The following USH2A variants were observed in gnomAD, a reference collection of about 807,000 sequenced individuals.
USH2A encodes the protein usherin, also known as Usher syndrome 2A (autosomal recessive, mild).
In USH2A, 443 loss-of-function variants were observed where a neutral mutation model predicts 538.9. The observed-to-expected ratio is 0.82, with a 90% confidence interval of 0.76 to 0.89. The LOEUF (loss-of-function observed/expected upper bound fraction) is 0.89. Ranked by LOEUF, USH2A falls within the 40% of genes least tolerant of loss-of-function variation. The pLI is 0.00. For synonymous variants in USH2A, 2,413 were observed against 2,273.5 expected, an observed-to-expected ratio of 1.06 and a Z score of -1.75; for missense variants, 6,633 against 6,324.8, an observed-to-expected ratio of 1.05 and a Z score of -1.65.
rs763486804 is a variant in USH2A at position 215,648,623 on chromosome 1, G to C, written c.14487C>G (p.Pro4829=). Residue 4829 remains proline, a synonymous_variant, in exon 66 of 72, where the codon CCC becomes CCG. Transcript: ENST00000307340. ...TAELRTHPAP[P]SGLSSPQIGT... ...CGATTTGTGGAGAGGACAGTCCTGAGGGTGGGGCAGGATGGGTTCTCAGTT... is the reference window on the plus strand; with the variant it reads ...CGATTTGTGGAGAGGACAGTCCTGACGGTGGGGCAGGATGGGTTCTCAGTT... 2.5e-6 allele frequency: 4 copies of C among 1,614,230 alleles called. No homozygotes were observed. Among genetic ancestry groups the C allele is most frequent in the Non-Finnish European group, 2.5e-6 (3 of 1,180,032 alleles).
intron 4 of USH2A, among the ~76,000 whole-genome samples, chr1:216,329,251 A>G (rs1229816930): frequency 2.0e-5 from 3 of 152,226 alleles, no homozygotes. Context: ...ACAAGAAATA[A>G]GAAAACATGG....
At chr1:215,635,426 A>T (rs1656444863) in intron 69 of USH2A, among the ~76,000 whole-genome samples, 1 of 152,184 alleles carries the variant, frequency 6.6e-6, no homozygotes, top group Admixed American at 6.5e-5. Flanking sequence ...GAGTCTCTGC[A>T]CATGAAGTTA....
intron 38 of USH2A, among the ~76,000 whole-genome samples, chr1:215,902,622 TA>T (rs1665531190): frequency 6.6e-6 from 1 of 151,990 alleles, no homozygotes; most frequent in African/African-American, 2.4e-5. Context: ...AAAGAGAAGG[TA>T]AAAAGAATTG....
intron 50 of USH2A, among the ~76,000 whole-genome samples, chr1:215,798,533 A>T: frequency 6.6e-6 from 1 of 152,280 alleles, no homozygotes; most frequent in East Asian, 1.9e-4. Context: ...TATTTATATT[A>T]GTGTTAGCTT....
At chr1:216,403,407 A>G (rs564202609) in intron 3 of USH2A, among the ~76,000 whole-genome samples, 6 of 152,124 alleles carry the variant, frequency 3.9e-5, no homozygotes, top group Non-Finnish European at 8.8e-5. Context: ...TTCTTATTCA[A>G]CATACTACTA....
intron 66 of USH2A, among the ~76,000 whole-genome samples, chr1:215,648,023 T>C (rs1209442899): frequency 6.6e-6 from 1 of 152,258 alleles, no homozygotes; most frequent in African/African-American, 2.4e-5. Context: ...TTCCCTCTTT[T>C]AAGAGGAGAG....
chr1:216,066,118 A>G (rs2031353085), intron 30 of USH2A, among the ~76,000 whole-genome samples: 1 of 152,038 alleles, frequency 6.6e-6, no homozygotes, highest in South Asian at 2.1e-4. Flanking sequence ...GAAATGCACA[A>G]TCTTGCATTC....
At chr1:216,309,493 T>A (rs1448883115) in intron 9 of USH2A, among the ~76,000 whole-genome samples, 1 of 152,194 alleles carries the variant, frequency 6.6e-6, no homozygotes, top group African/African-American at 2.4e-5. Flanking sequence ...ATTTGGAATT[T>A]CTATTTTCTA....
chr1:215,839,263 A>G (rs1663611213), intron 46 of USH2A, among the ~76,000 whole-genome samples: 1 of 152,242 alleles, frequency 6.6e-6, no homozygotes, highest in Admixed American at 6.5e-5. Flanking sequence ...AACTTTATAC[A>G]TATTGGAAAA....
chr1:215,635,771 G>T (rs1424754499), intron 69 of USH2A, among the ~76,000 whole-genome samples: 1 of 152,024 alleles, frequency 6.6e-6, no homozygotes, highest in Non-Finnish European at 1.5e-5. Flanking sequence ...GGCCAGGATG[G>T]TCTCAATCTC....
At position 215,680,169 on chromosome 1, in the gene USH2A, T is replaced by A. The variant is rs1181003865; in HGVS notation, c.12274A>T (p.Arg4092Ter). The change falls in exon 62 of 72, where the codon AGA becomes TGA. Residue 4092 changes from arginine to a stop codon, truncating the protein, a stop_gained. Transcript: ENST00000307340. LOFTEE classifies it high-confidence loss of function. ...ALLLQWSEPM[R>*]TNGVIKTYNI... is the part of the protein sequence containing the mutation. The stretch of plus-strand genomic sequence containing the variant: ...ATTACCTTAATCACACCATTGGTTC[T>A]CATAGGTTCTGACCACTGTAGTAGC... The A allele has an allele frequency of 6.2e-7, 1 of 1,614,154 alleles. No homozygotes were observed. The highest frequency in any genetic ancestry group is 1.7e-5 in the Admixed American group (1 of 60,014).
At chr1:216,313,287 C>T (rs1288149426) in intron 9 of USH2A, among the ~76,000 whole-genome samples, 2 of 152,190 alleles carry the variant, frequency 1.3e-5, no homozygotes, top group Non-Finnish European at 2.9e-5. Context: ...TAATAGACCA[C>T]AGACCACTAC....
chr1:216,074,766 T>C (rs191122586), intron 27 of USH2A, among the ~76,000 whole-genome samples: 44 of 152,298 alleles, frequency 2.9e-4, no homozygotes, highest in Admixed American at 1.0e-3. Context: ...GGCACATAAC[T>C]GTATTATCAA....
chr1:216,144,624 T>TA (rs1197884676), intron 21 of USH2A, among the ~76,000 whole-genome samples: 1 of 152,146 alleles, frequency 6.6e-6, no homozygotes, highest in African/African-American at 2.4e-5. Context: ...GATAGAAACA[T>TA]AAAAATGGTA....
At chr1:215,796,973 T>C (rs1000368310) in intron 50 of USH2A, among the ~76,000 whole-genome samples, 2 of 152,202 alleles carry the variant, frequency 1.3e-5, no homozygotes, top group Admixed American at 6.5e-5. Context: ...TATGTGAGAA[T>C]GATGACAAAT....
chr1:216,360,314 A>T (rs1558053798), intron 4 of USH2A, among the ~76,000 whole-genome samples: 1 of 152,160 alleles, frequency 6.6e-6, no homozygotes, highest in African/African-American at 2.4e-5. Flanking sequence ...CTGAGGATAC[A>T]TGATTTTTTT....
At chr1:215,671,925 C>G (rs1305979497) in intron 63 of USH2A, among the ~76,000 whole-genome samples, 1 of 152,124 alleles carries the variant, frequency 6.6e-6, no homozygotes, top group Admixed American at 6.5e-5. Flanking sequence ...TCACCTGATA[C>G]CTAACAGCTT....
At chr1:216,345,111 A>G (rs982962706) in intron 4 of USH2A, among the ~76,000 whole-genome samples, 23 of 151,796 alleles carry the variant, frequency 1.5e-4, no homozygotes, top group African/African-American at 5.3e-4. Context: ...TTTCTCTGGT[A>G]TCCTTGATTA....
At chr1:216,334,320 G>T (rs1186642211) in intron 4 of USH2A, among the ~76,000 whole-genome samples, 1 of 151,702 alleles carries the variant, frequency 6.6e-6, no homozygotes, top group Non-Finnish European at 1.5e-5. Context: ...AACATCCTGG[G>T]CAACAAACAT....
Sources: gnomAD v4.1 joint callset for allele counts (sites outside exome capture counted in the v4.1 genomes callset) on GRCh38, gnomAD v4.1.1 for gene constraint, MANE v1.5 for transcripts, NCBI Gene and HGNC (gene_info 2026-07-23, HGNC 2026-07-21) for gene names.